The following RET variants were observed in gnomAD, a reference collection of about 807,000 sequenced individuals.
RET encodes ret proto-oncogene.
A neutral mutation model predicts 118.3 loss-of-function variants in RET; 19 were observed. The observed-to-expected ratio is 0.16, with a 90% CI of 0.11 to 0.24. RET has a LOEUF of 0.24. Among genes scored for constraint, RET ranks in the 10% least tolerant of loss-of-function variants. The pLI is 1.00. For missense variants in RET, 1,219 were observed against 1,502.1 expected, an observed-to-expected ratio of 0.81 and a Z score of 3.12; for synonymous variants, 597 against 644.1, an observed-to-expected ratio of 0.93 and a Z score of 1.11.
rs370491323 is a variant in RET, at chr10:43,114,464, C to T, written c.1880-16C>T. The T allele has an allele frequency of 7.1e-5, 114 of 1,604,956 alleles. No homozygotes were observed. Among genetic ancestry groups the T allele is most frequent in the South Asian group, 1.1e-5 (1 of 91,086 alleles). ...GCCTCTGGCGGTGCCAAGCCTCACA[C>T]CACCCCCACCCACAGATCCACTGTG... On this transcript the variant is annotated splice_polypyrimidine_tract_variant and intron_variant, in intron 10 of 19. Coordinates refer to ENST00000355710, the MANE Select transcript of RET (RefSeq NM_020975.6). This position sits in a 1 kb window ranked among gnomAD's most constrained non-coding sequence, Gnocchi z 4.6.
In RET at chr10:43,119,555, A is replaced by G. The variant is rs377767419; in HGVS notation, c.2417A>G (p.Tyr806Cys). 2.5e-6 allele frequency: 4 copies of G among 1,607,812 alleles called. No individual in the cohort carries two copies. In the East Asian group the frequency reaches 6.7e-5, roughly 27 times the overall value. Residue 806 changes from tyrosine (Y) to cysteine (C), a missense_variant, in exon 14 of 20, where the codon TAC (tyrosine) becomes TGC (cysteine). Transcript: ENST00000355710. ...QDGPLLLIVE[Y>C]AKYGSLRGFL... ...GGCCCGCTCCTCCTCATCGTGGAGT[A>G]CGCCAAATACGGCTCCCTGCGGGGC...
In RET at chr10:43,106,307, G is replaced by T; in HGVS notation, c.868-69G>T. On this transcript the variant is annotated intron_variant, in intron 4 of 19. Transcript: ENST00000355710. This position sits in a 1 kb window ranked among gnomAD's most constrained non-coding sequence, Gnocchi z 5.1. ...TGTGTGGGACGTGCAGCATTCTAAG[G>T]TCTCTGGTTTTGGGGGGTCTGAGGG... 1 of 1,465,658 alleles carries T rather than the reference G, an allele frequency of 6.8e-7. No individual in the cohort carries two copies. Among genetic ancestry groups the T allele is most frequent in the Non-Finnish European group, 9.4e-7 (1 of 1,063,020 alleles). The allele number at this position is 1,465,658 out of a possible 1,614,324, so 90.8% of individuals were successfully genotyped here.
chr10:43,078,389 C>G (rs1221811477), intron 1 of RET, among the ~76,000 whole-genome samples: 1 of 152,234 alleles, frequency 6.6e-6, no homozygotes, highest in Non-Finnish European at 1.5e-5. Context: ...TCTCTGGCCC[C>G]AGGCCCTGCA....
chr10:43,085,855 C>T (rs989371286), intron 1 of RET, among the ~76,000 whole-genome samples: 5 of 152,132 alleles, frequency 3.3e-5, no homozygotes, highest in African/African-American at 7.2e-5. Flanking sequence ...GTGGTGCCCC[C>T]GCATCGGGCT....
chr10:43,107,124 C>A (rs1008551033), intron 5 of RET, among the ~76,000 whole-genome samples: 16 of 152,236 alleles, frequency 1.1e-4, no homozygotes, highest in African/African-American at 3.6e-4. Flanking sequence ...CCACCTCCTG[C>A]AGATTTCTCC....
At chr10:43,077,503 A>AGCCGGCGGC (rs1483784179) in intron 1 of RET, among the ~76,000 whole-genome samples, 172 bp downstream of exon 1, 1 of 148,284 alleles carries the variant, frequency 6.7e-6, no homozygotes, top group Non-Finnish European at 1.5e-5. Flanking sequence ...CGGCGGGCGA[A>AGCCGGCGGC]GGGCAGGACG....
chr10:43,084,505 C>G (rs1259674057), intron 1 of RET, among the ~76,000 whole-genome samples: 1 of 152,206 alleles, frequency 6.6e-6, no homozygotes, highest in East Asian at 1.9e-4. Context: ...AGTTGCATGT[C>G]TCTTTGGAGA....
chr10:43,091,878 C>T (rs115530198), intron 1 of RET, among the ~76,000 whole-genome samples: 6,899 of 149,700 alleles, frequency 0.046, 372 homozygotes, highest in African/African-American at 0.13. Context: ...AGAAACTGAA[C>T]CCTTGCGCAC....
chr10:43,078,325 G>T (rs1464596958), intron 1 of RET, among the ~76,000 whole-genome samples: 2 of 152,204 alleles, frequency 1.3e-5, no homozygotes, highest in Admixed American at 6.5e-5. Context: ...CTTACAAAGG[G>T]CTTTCTCTCC....
intron 1 of RET, among the ~76,000 whole-genome samples, chr10:43,086,718 C>G (rs1034787345): frequency 1.2e-4 from 18 of 151,690 alleles, no homozygotes; most frequent in Admixed American, 5.9e-4. Flanking sequence ...AAGCCGGAAG[C>G]AACTGCCAGT....
At chr10:43,116,951 A>G (rs1838087821) in intron 12 of RET, among the ~76,000 whole-genome samples, 2 of 152,242 alleles carry the variant, frequency 1.3e-5, no homozygotes, top group African/African-American at 4.8e-5. Flanking sequence ...TGCCAGTGCC[A>G]CTGAAGATCT....
At position 43,106,405 on chromosome 10, in the gene RET, C is replaced by T. The variant is rs529153319; in HGVS notation, c.897C>T (p.Phe299=). 1.8e-5 allele frequency: 29 copies of T among 1,612,780 alleles called. No individual in the cohort carries two copies. The highest frequency in any genetic ancestry group is 1.2e-4 in the Admixed American group (7 of 59,998). The change falls in exon 5 of 20, where the codon TTC becomes TTT. Residue 299 remains phenylalanine (F), a synonymous_variant. Transcript: ENST00000355710. The surrounding 1 kb of genome is among the most constrained non-coding windows in gnomAD (Gnocchi z 5.1). The stretch of plus-strand genomic sequence containing the variant: ...CCGTGGTGGCCACGCTGCGTGTCTT[C>T]GATGCAGACGTGGTACCTGCATCAG... ...EDTVVATLRV[F]DADVVPASGE... is the part of the protein sequence containing the mutation.
At chr10:43,084,175 G>T (rs1837243430) in intron 1 of RET, among the ~76,000 whole-genome samples, 1 of 152,210 alleles carries the variant, frequency 6.6e-6, no homozygotes, top group Non-Finnish European at 1.5e-5. Flanking sequence ...GAAAAATGCT[G>T]CCAGGGACAT....
Position 43,114,510 on chromosome 10 carries a change from T to G in RET, c.1910T>G (p.Val637Gly), listed in dbSNP as rs1713933379. ...DPLCDELCRT[V>G]IAAAVLFSFI... ...CTGTGCGACGAGCTGTGCCGCACGG[T>G]GATCGCAGCCGCTGTCCTCTTCTCC... The change falls in exon 11 of 20, where the codon GTG becomes GGG. Residue 637 changes from valine (V) to glycine (G), a missense_variant. Val to Gly is a moderately radical substitution (Grantham distance 109, BLOSUM62 -3). Transcript: ENST00000355710. This position sits in a 1 kb window ranked among gnomAD's most constrained non-coding sequence, Gnocchi z 4.6. 1 of 1,608,368 alleles carries G rather than the reference T, an allele frequency of 6.2e-7. No homozygotes were observed. Among genetic ancestry groups the G allele is most frequent in the African/African-American group, 1.3e-5 (1 of 74,828 alleles).
intron 3 of RET, among the ~76,000 whole-genome samples, chr10:43,103,736 C>T (rs1837693567): frequency 6.6e-6 from 1 of 152,210 alleles, no homozygotes; most frequent in Admixed American, 6.5e-5. Flanking sequence ...TGCCCTTTTT[C>T]ACTAAAAATT....
chr10:43,105,150 G>A lies in RET; in HGVS notation c.824G>A (p.Gly275Asp). Residue 275 changes from glycine to aspartate, a missense_variant, in exon 4 of 20, where the codon GGC (glycine) becomes GAC (aspartate). By Grantham distance (94) the Gly-to-Asp change is moderately conservative. This residue lies in a region of RET where 850 missense variants were observed against 969.6 expected (regional missense o/e 0.88). Transcript: ENST00000355710. Reference protein sequence around the residue: ...EDDSAPTFPAGVDTASAVVEF... With the variant: ...EDDSAPTFPADVDTASAVVEF... The stretch of plus-strand genomic sequence containing the variant: ...GACTCGGCGCCCACCTTCCCCGCGG[G>A]CGTCGACACCGCCAGCGCCGTGGTG... The A allele has an allele frequency of 6.2e-7, 1 of 1,612,754 alleles. No homozygotes were observed. The highest frequency in any genetic ancestry group is 8.5e-7 in the Non-Finnish European group (1 of 1,179,862).
chr10:43,088,083 C>T (rs1466763420), intron 1 of RET, among the ~76,000 whole-genome samples: 1 of 140,550 alleles, frequency 7.1e-6, no homozygotes, highest in African/African-American at 2.7e-5. Flanking sequence ...TGGTGGTGGA[C>T]GTGATAGGGA....
Position 43,106,598 on chromosome 10 carries a change from G to C in RET, c.1063+27G>C. ...TAAGAGGGGCTGGTGGCACGGCCTGGCTAGGCCCCCAGGAAATGAGGTGCT... is the reference window on the plus strand; with the variant it reads ...TAAGAGGGGCTGGTGGCACGGCCTGCCTAGGCCCCCAGGAAATGAGGTGCT... On this transcript the variant is annotated intron_variant, in intron 5 of 19. Coordinates refer to ENST00000355710, the MANE Select transcript of RET (RefSeq NM_020975.6). This position sits in a 1 kb window ranked among gnomAD's most constrained non-coding sequence, Gnocchi z 5.1. 1.2e-6 allele frequency: 2 copies of C among 1,608,472 alleles called. No homozygotes were observed. Among genetic ancestry groups the C allele is most frequent in the Non-Finnish European group, 1.7e-6 (2 of 1,177,154 alleles).
intron 1 of RET, among the ~76,000 whole-genome samples, chr10:43,087,285 G>C (rs1242740204): frequency 6.6e-6 from 1 of 152,246 alleles, no homozygotes; most frequent in Non-Finnish European, 1.5e-5. Flanking sequence ...GGAGGTCCAA[G>C]AGGAGAGGTA....
Sources: allele counts gnomAD v4.1 joint callset (sites outside exome capture counted in the v4.1 genomes callset), GRCh38; gene constraint gnomAD v4.1.1; regional missense constraint gnomAD v4.1.1; non-coding constraint Gnocchi (gnomAD v3.1); transcripts MANE v1.5; gene names NCBI Gene and HGNC (gene_info 2026-07-23, HGNC 2026-07-21).